The following CELF2 variants were observed in gnomAD, a reference collection of about 807,000 sequenced individuals.
The protein encoded by CELF2 is CUG triplet repeat RNA-binding protein 2.
In CELF2, 8 loss-of-function variants were observed where a neutral mutation model predicts 62.6. The observed-to-expected ratio is 0.13, with a 90% CI of 0.07 to 0.23. CELF2 has a LOEUF of 0.23. CELF2 is among the 10% of genes least tolerant of loss of function. The pLI is 1.00. For synonymous variants in CELF2, 258 were observed against 250.0 expected, an observed-to-expected ratio of 1.03 and a Z score of -0.30; for missense variants, 333 against 671.0, an observed-to-expected ratio of 0.50 and a Z score of 5.56.
chr10:10,651,012 G>C, the CELF2 span, among the ~76,000 whole-genome samples: 2 of 146,454 alleles, frequency 1.4e-5, no homozygotes, highest in African/African-American at 5.1e-5. Context: ...CAGTGGGTGC[G>C]CGCACCGTGC....
At chr10:11,218,741 T>C (rs2063992614) in intron 3 of CELF2, among the ~76,000 whole-genome samples, 1 of 152,284 alleles carries the variant, frequency 6.6e-6, no homozygotes, top group Admixed American at 6.5e-5. Flanking sequence ...CTGAAACTGC[T>C]AAGGTGGTTC....
chr10:10,692,349 T>A, the CELF2 span, among the ~76,000 whole-genome samples: 2 of 151,654 alleles, frequency 1.3e-5, no homozygotes, highest in African/African-American at 4.9e-5. Flanking sequence ...GAGGGCTCTG[T>A]TCTGTTCCAT....
At chr10:11,241,678 A>G (rs1329625571) in intron 3 of CELF2, among the ~76,000 whole-genome samples, 2 of 151,980 alleles carry the variant, frequency 1.3e-5, no homozygotes, top group East Asian at 3.9e-4. Flanking sequence ...CCCTAAAGCT[A>G]TTTTTGATTA....
chr10:10,683,017 C>G, the CELF2 span, among the ~76,000 whole-genome samples: 6 of 152,172 alleles, frequency 3.9e-5, no homozygotes, highest in Non-Finnish European at 7.4e-5. Flanking sequence ...CCTGTGAAAA[C>G]AGATCACACT....
At chr10:10,697,556 AG>A in the CELF2 span, among the ~76,000 whole-genome samples, 2 of 152,202 alleles carry the variant, frequency 1.3e-5, no homozygotes, top group Non-Finnish European at 2.9e-5. Context: ...ACAGTTCTAG[AG>A]GCTGGGAAGT....
chr10:10,654,128 T>C, the CELF2 span, among the ~76,000 whole-genome samples: 2 of 144,720 alleles, frequency 1.4e-5, no homozygotes, highest in East Asian at 3.9e-4. Flanking sequence ...AAGAAATGGA[T>C]ACATTCCTTG....
rs142091867 is a variant in CELF2, at chr10:11,075,644, G to A, written c.74+57481G>A. Among the ~76,000 whole-genome samples, 315 of 152,232 alleles carry A rather than the reference G, an allele frequency of 2.1e-3. No individual in the cohort carries two copies. The highest frequency in any genetic ancestry group is 6.7e-3 in the African/African-American group (280 of 41,540). ...GGTCTACAGTGAATGTTGGTTTAGCGTTCACTTAGAGACTTGTCTTTGGCG... is the reference window on the plus strand; with the variant it reads ...GGTCTACAGTGAATGTTGGTTTAGCATTCACTTAGAGACTTGTCTTTGGCG... On this transcript the variant is annotated intron_variant, in intron 1 of 12. Coordinates refer to ENST00000633077, the MANE Select transcript of CELF2 (RefSeq NM_001326342.2). This position sits in a 1 kb window ranked among gnomAD's most constrained non-coding sequence, Gnocchi z 5.4.
chr10:10,761,575 C>G, the CELF2 span, among the ~76,000 whole-genome samples: 1 of 152,184 alleles, frequency 6.6e-6, no homozygotes, highest in African/African-American at 2.4e-5. Context: ...GTTGCTCTCT[C>G]AAATGTGGGT....
At chr10:10,780,681 A>T in the CELF2 span, among the ~76,000 whole-genome samples, 30 of 152,192 alleles carry the variant, frequency 2.0e-4, no homozygotes, top group African/African-American at 6.5e-4. Context: ...GGGTTTCACC[A>T]TGTTGGCCAG....
rs61580670 is a variant in CELF2, at chr10:11,025,239, G to GTGTGTGTGTGTATATATATA, written c.74+7077_74+7078insGTGTGTGTGTATATATATAT. Among the ~76,000 whole-genome samples the GTGTGTGTGTGTATATATATA allele has an allele frequency of 1.2e-3, 175 of 141,084 alleles. 1 individual carries two copies. Among genetic ancestry groups the GTGTGTGTGTGTATATATATA allele is most frequent in the African/African-American group, 3.9e-3 (152 of 39,140 alleles). 92.6% of individuals were successfully genotyped at this position (141,084 alleles called of 152,430 possible). A position where few individuals can be genotyped will look rare whatever the true frequency, so the allele number is the denominator to read the frequency against. On this transcript the variant is annotated intron_variant, in intron 1 of 12. Coordinates refer to ENST00000633077, the MANE Select transcript of CELF2 (RefSeq NM_001326342.2). ...TGTGTGTGTGTGTGTGTGTGTGTGT[G>GTGTGTGTGTGTATATATATA]TATATGTATGTGACTGTATATCTGG... is the stretch of plus-strand genomic sequence containing the variant.
At position 11,039,475 on chromosome 10, in the gene CELF2, C is replaced by T. The variant is rs182654841; in HGVS notation, c.74+21312C>T. Among the ~76,000 whole-genome samples the T allele has an allele frequency of 1.8e-4, 27 of 152,318 alleles. No homozygotes were observed. The highest frequency in any genetic ancestry group is 6.3e-4 in the African/African-American group (26 of 41,564). ...GTGGTGAGCTATGTAGTCACGGTCA[C>T]AGTGTGTACTCAAAGTACCTTAAAA... On this transcript the variant is annotated intron_variant, in intron 1 of 12. Transcript: ENST00000633077. The surrounding 1 kb of genome is among the most constrained non-coding windows in gnomAD (Gnocchi z 4.1).
chr10:11,077,807 T>A (rs2072548877), intron 1 of CELF2, among the ~76,000 whole-genome samples: 1 of 152,136 alleles, frequency 6.6e-6, no homozygotes, highest in Non-Finnish European at 1.5e-5. Context: ...AATATCACTT[T>A]TATGGACTCT....
intron 2 of CELF2, chr10:10,935,486 G>A (rs2066528252): frequency 6.6e-6 from 1 of 152,198 alleles, no homozygotes; most frequent in Non-Finnish European, 1.5e-5. Context: ...AGGGAAAATA[G>A]GTCATACAGT....
chr10:11,038,218 G>C (rs368855388), intron 1 of CELF2, among the ~76,000 whole-genome samples: 1 of 152,210 alleles, frequency 6.6e-6, no homozygotes, highest in Non-Finnish European at 1.5e-5. Flanking sequence ...CGTTCAGGGG[G>C]TGAACATAGT....
the CELF2 span, among the ~76,000 whole-genome samples, chr10:10,569,013 C>G: frequency 6.6e-6 from 1 of 152,064 alleles, no homozygotes; most frequent in Non-Finnish European, 1.5e-5. Flanking sequence ...AGAAAAAAGG[C>G]TAGATTGATC....
At chr10:11,301,459 A>C (rs1221229495) in intron 9 of CELF2, among the ~76,000 whole-genome samples, 3 of 32,736 alleles carry the variant, frequency 9.2e-5, no homozygotes, top group African/African-American at 1.4e-4. Context: ...CGCTCCCCCC[A>C]CCACTTCACC....
chr10:10,821,342 T>C (rs2056944971), intron 1 of CELF2, among the ~76,000 whole-genome samples: 2 of 152,100 alleles, frequency 1.3e-5, no homozygotes, highest in African/African-American at 2.4e-5. Flanking sequence ...TGGGTGCATG[T>C]GTGTGGGCAG....
At chr10:11,215,601 T>C (rs1413489705) in intron 2 of CELF2, among the ~76,000 whole-genome samples, 4 of 152,160 alleles carry the variant, frequency 2.6e-5, no homozygotes, top group Non-Finnish European at 2.9e-5. Flanking sequence ...CTTTTTTTTT[T>C]TTTTAACTGT....
intron 1 of CELF2, among the ~76,000 whole-genome samples, chr10:11,135,873 G>A (rs957697707): frequency 6.6e-6 from 1 of 152,296 alleles, no homozygotes; most frequent in East Asian, 1.9e-4. Context: ...GAAGGGTACA[G>A]ATTCTAGCAT....
Sources: allele counts gnomAD v4.1 joint callset (sites outside exome capture counted in the v4.1 genomes callset), GRCh38; gene constraint gnomAD v4.1.1; non-coding constraint Gnocchi (gnomAD v3.1); transcripts MANE v1.5; gene names NCBI Gene and HGNC (gene_info 2026-07-23, HGNC 2026-07-21).